Variants in TMEM266 observed in about 807,000 individuals in gnomAD.
TMEM266 encodes the protein transmembrane protein 266.
Under a neutral mutation model 50.5 loss-of-function variants are expected in TMEM266, and 33 were observed. The ratio of observed to expected loss-of-function variants is 0.65; its 90% confidence interval spans 0.50 to 0.87. The LOEUF (loss-of-function observed/expected upper bound fraction) is 0.87, where lower values mean the gene tolerates loss of function less well. TMEM266 is among the 40% of genes least tolerant of loss of function. The pLI is 0.00. For missense variants in TMEM266, 655 were observed against 695.1 expected, an observed-to-expected ratio of 0.94 and a Z score of 0.65; for synonymous variants, 310 against 292.3, an observed-to-expected ratio of 1.06 and a Z score of -0.62.
chr15:76,114,086 T>A (rs2037213108), intron 1 of TMEM266: 2 of 152,228 alleles, frequency 1.3e-5, no homozygotes, highest in African/African-American at 2.4e-5. Flanking sequence ...TACCAATTTT[T>A]ACCTTATCTA....
At chr15:76,202,124 CGTGGGGGTGGG>C in intron 9 of TMEM266, 67 bp from the exon 10 acceptor site, 3 of 1,254,006 alleles carry the variant, frequency 2.4e-6, no homozygotes, top group Non-Finnish European at 3.4e-6. Context: ...CTCTTGTGAC[CGTGGGGGTGGG>C]GACAGGAGTA....
chr15:76,137,805 C>T lies in TMEM266; in HGVS notation c.137C>T (p.Ala46Val). The change falls in exon 3 of 11, where the codon GCC becomes GTC. Residue 46 changes from alanine (A) to valine (V), a missense_variant. Around this residue, in one of 3 missense-constraint regions of TMEM266, gnomAD observed 99 missense variants for 110.8 expected, o/e 0.89. Transcript: ENST00000388942. ...GCTCCTGTGCAGCTGGTGAACTTTGCCTATCGGGACTTGCCCCTGGCTGCT... is the reference window on the plus strand; with the variant it reads ...GCTCCTGTGCAGCTGGTGAACTTTGTCTATCGGGACTTGCCCCTGGCTGCT... ...NFAYRDLPLA[A>V]VDLSTAGSQL... 1 of 1,614,014 alleles carries T rather than the reference C, an allele frequency of 6.2e-7. No homozygotes were observed. Among genetic ancestry groups the T allele is most frequent in the Non-Finnish European group, 8.5e-7 (1 of 1,179,960 alleles).
intron 9 of TMEM266, among the ~76,000 whole-genome samples, chr15:76,200,075 T>C (rs772336813): frequency 3.9e-5 from 6 of 152,146 alleles, no homozygotes; most frequent in Non-Finnish European, 5.9e-5. Flanking sequence ...GCCCCGACTG[T>C]GCTCCCCGCA....
intron 1 of TMEM266, among the ~76,000 whole-genome samples, chr15:76,126,192 G>C (rs927088515): frequency 2.6e-5 from 4 of 151,654 alleles, no homozygotes; most frequent in African/African-American, 9.7e-5. Context: ...GTATGATCCA[G>C]CAATCCCACT....
At chr15:76,091,673 A>G (rs1197701675) in intron 1 of TMEM266, among the ~76,000 whole-genome samples, 1 of 151,950 alleles carries the variant, frequency 6.6e-6, no homozygotes, top group East Asian at 1.9e-4. Context: ...GTAGGCAATG[A>G]GAAACCTCAG....
intron 1 of TMEM266, among the ~76,000 whole-genome samples, chr15:76,117,966 C>A (rs2037276140): frequency 6.6e-6 from 1 of 152,224 alleles, no homozygotes; most frequent in African/African-American, 2.4e-5. Flanking sequence ...TTTAAACATG[C>A]TCTCCAGGTG....
intron 1 of TMEM266, among the ~76,000 whole-genome samples, chr15:76,098,757 T>C (rs1283565775): frequency 6.6e-6 from 1 of 150,462 alleles, no homozygotes; most frequent in Non-Finnish European, 1.5e-5. Flanking sequence ...GGCTGCTGCC[T>C]TTTTTTCAGA....
intron 10 of TMEM266, 107 bp downstream of exon 10, chr15:76,202,371 G>GGTTC: frequency 1.0e-6 from 1 of 968,360 alleles, no homozygotes; most frequent in Non-Finnish European, 1.6e-6. Context: ...TGGTGCCTGT[G>GGTTC]AACCATAACT....
intron 1 of TMEM266, among the ~76,000 whole-genome samples, chr15:76,106,699 G>GGAA (rs1367804159): frequency 6.6e-6 from 1 of 152,156 alleles, no homozygotes; most frequent in Non-Finnish European, 1.5e-5. Flanking sequence ...TCTTGCCTTG[G>GGAA]CTTCCCAAAG....
intron 1 of TMEM266, among the ~76,000 whole-genome samples, chr15:76,089,552 T>C (rs1455998295): frequency 6.6e-6 from 1 of 152,054 alleles, no homozygotes; most frequent in Non-Finnish European, 1.5e-5. Context: ...GAGGGAAGGC[T>C]GGAAATGGAA....
intron 1 of TMEM266, among the ~76,000 whole-genome samples, chr15:76,079,945 A>G (rs1473833834): frequency 1.3e-5 from 2 of 152,210 alleles, no homozygotes; most frequent in East Asian, 3.9e-4. Context: ...TATGAGGTCA[A>G]CAACAGCACA....
chr15:76,066,791 C>T (rs752666537), intron 1 of TMEM266, among the ~76,000 whole-genome samples: 35 of 152,182 alleles, frequency 2.3e-4, no homozygotes, highest in Non-Finnish European at 1.5e-5. Flanking sequence ...TCCCACCCCA[C>T]AACCCTGGAA....
chr15:76,167,065 T>C (rs137880871), intron 5 of TMEM266, among the ~76,000 whole-genome samples: 97 of 152,330 alleles, frequency 6.4e-4, no homozygotes, highest in Non-Finnish European at 1.1e-3. Context: ...GACTTTTGTC[T>C]TGGACACCCC....
At chr15:76,203,680 T>C in intron 10 of TMEM266, 61 bp from the exon 11 acceptor site, 1 of 1,524,418 alleles carries the variant, frequency 6.6e-7, no homozygotes, top group African/African-American at 1.4e-5. Flanking sequence ...ACCTGCTCTC[T>C]TCAGGGCCCC....
intron 3 of TMEM266, among the ~76,000 whole-genome samples, chr15:76,138,765 T>C (rs560689946): frequency 6.6e-6 from 1 of 152,358 alleles, no homozygotes; most frequent in East Asian, 1.9e-4. Context: ...TACCTCCTCC[T>C]ACTTAGCTTG....
At chr15:76,194,592 T>C (rs540302231) in intron 9 of TMEM266, among the ~76,000 whole-genome samples, 29 of 152,202 alleles carry the variant, frequency 1.9e-4, no homozygotes, top group Admixed American at 1.8e-3. Context: ...GGCTGGAACC[T>C]GAGATCAAGG....
At chr15:76,089,191 C>T (rs1555445774) in intron 1 of TMEM266, among the ~76,000 whole-genome samples, 4 of 148,476 alleles carry the variant, frequency 2.7e-5, no homozygotes, top group Non-Finnish European at 5.9e-5. Flanking sequence ...TCAGAAGTTT[C>T]ATTTATTTAT....
At chr15:76,156,905 A>T in intron 4 of TMEM266, 147 bp downstream of exon 4, 3 of 802,972 alleles carry the variant, frequency 3.7e-6, no homozygotes, top group Non-Finnish European at 5.9e-6. Flanking sequence ...GCTCATGGGG[A>T]TGGCCGCTGG....
chr15:76,155,416 A>AC (rs1277629876), intron 3 of TMEM266, among the ~76,000 whole-genome samples: 1 of 151,564 alleles, frequency 6.6e-6, no homozygotes, highest in East Asian at 1.9e-4. Context: ...AGATTCTGTG[A>AC]CCCCTCCCAC....
Sources: gnomAD v4.1 joint callset for allele counts (sites outside exome capture counted in the v4.1 genomes callset) on GRCh38, gnomAD v4.1.1 for gene constraint, gnomAD v4.1.1 regional missense constraint, MANE v1.5 for transcripts, NCBI Gene and HGNC (gene_info 2026-07-23, HGNC 2026-07-21) for gene names.